TMLHE: variants seen among roughly 807,000 people sequenced by gnomAD.
TMLHE encodes the protein trimethyllysine dioxygenase, mitochondrial.
In TMLHE, 18 loss-of-function variants were observed where a neutral mutation model predicts 25.7. The ratio of observed to expected loss-of-function variants is 0.70; its 90% confidence interval spans 0.48 to 1.04. The LOEUF (loss-of-function observed/expected upper bound fraction) is 1.04. Ranked by LOEUF, TMLHE falls within the 50% of genes least tolerant of loss-of-function variation. The pLI is 0.00. For missense variants in TMLHE, 236 were observed against 259.0 expected (o/e 0.91, Z 0.61); for synonymous variants, 105 against 97.0 (o/e 1.08, Z -0.49).
At chrX:155,510,729 T>C (rs2067104614) in intron 5 of TMLHE, among the ~76,000 whole-genome samples, 2 of 109,130 alleles carry the variant, frequency 1.8e-5, no homozygotes, top group South Asian at 8.2e-4. Context: ...TGTGTCTTTA[T>C]AGCAGCATGA....
chrX:155,523,428 T>C (rs1299261992), intron 3 of TMLHE, among the ~76,000 whole-genome samples: 1 of 111,480 alleles, frequency 9.0e-6, no homozygotes. Context: ...CTGAAAAGAT[T>C]ATCCTTCCTC....
intron 1 of TMLHE, among the ~76,000 whole-genome samples, chrX:155,600,049 TC>T (rs1476647679): frequency 8.9e-6 from 1 of 112,016 alleles, no homozygotes; most frequent in Non-Finnish European, 1.9e-5. Context: ...AGAACCTACC[TC>T]CTTTTGTTAC....
chrX:155,508,156 T>C (rs1206917620), intron 5 of TMLHE, among the ~76,000 whole-genome samples: 1 of 111,356 alleles, frequency 9.0e-6, no homozygotes, highest in Non-Finnish European at 1.9e-5. Context: ...GCTAATCATA[T>C]ACAGTTTCTG....
intron 1 of TMLHE, among the ~76,000 whole-genome samples, chrX:155,549,003 T>C (rs782547966): frequency 9.0e-6 from 1 of 110,896 alleles, no homozygotes; most frequent in South Asian, 3.7e-4. Flanking sequence ...TCCTAAGTGA[T>C]TTCTTGTGCT....
At chrX:155,560,039 A>G (rs190247080) in intron 1 of TMLHE, among the ~76,000 whole-genome samples, 21 of 112,506 alleles carry the variant, frequency 1.9e-4, no homozygotes, top group Admixed American at 3.8e-4. Flanking sequence ...TAAAACATGT[A>G]TGACAATCAT....
At chrX:155,543,711 A>G (rs782430778) in intron 2 of TMLHE, among the ~76,000 whole-genome samples, 3 of 112,510 alleles carry the variant, frequency 2.7e-5, no homozygotes, top group Non-Finnish European at 5.6e-5. Context: ...CCTGTGTCAT[A>G]TGTAAGTCTG....
At chrX:155,536,670 A>G (rs1407540993) in intron 2 of TMLHE, among the ~76,000 whole-genome samples, 1 of 112,213 alleles carries the variant, frequency 8.9e-6, no homozygotes, top group Admixed American at 9.5e-5. Flanking sequence ...AAATATAGCT[A>G]AAAATTCATT....
At position 155,605,691 on chromosome X, in the gene TMLHE, T is replaced by G. The variant is rs148771877; in HGVS notation, c.-2+7101A>C. On this transcript the variant is annotated intron_variant, in intron 1 of 7. Coordinates refer to ENST00000334398, the MANE Select transcript of TMLHE (RefSeq NM_018196.4). ...ACTATAAAGCAACCACGTGATCAAG[T>G]GTACATAATAACTAGCTAACAACAT... Among the ~76,000 whole-genome samples the G allele has an allele frequency of 6.9e-3, 768 of 111,767 alleles. 6 individuals carry two copies. The highest frequency in any genetic ancestry group is 0.024 in the African/African-American group (729 of 30,750).
chrX:155,512,316 C>T (rs1044236203), intron 4 of TMLHE, among the ~76,000 whole-genome samples: 3 of 101,585 alleles, frequency 3.0e-5, no homozygotes, highest in Non-Finnish European at 5.9e-5. Flanking sequence ...ATCCCTCCCC[C>T]CTTCCCCCCA....
chrX:155,585,598 A>G (rs1431539352), intron 1 of TMLHE, among the ~76,000 whole-genome samples: 4 of 111,818 alleles, frequency 3.6e-5, no homozygotes, highest in Non-Finnish European at 7.5e-5. Flanking sequence ...AAAGATTCCA[A>G]CACAATAATA....
intron 1 of TMLHE, among the ~76,000 whole-genome samples, chrX:155,592,295 G>A (rs5940536): frequency 0.039 from 4,384 of 111,584 alleles, 90 homozygotes; most frequent in African/African-American, 0.068. Flanking sequence ...TGATAACAAT[G>A]TACTGTTATT....
At chrX:155,530,257 G>T (rs183722080) in intron 2 of TMLHE, among the ~76,000 whole-genome samples, 48 of 111,578 alleles carry the variant, frequency 4.3e-4, no homozygotes, top group African/African-American at 1.5e-3. Flanking sequence ...AGGAGATCTT[G>T]CCATTTGCCA....
At chrX:155,541,344 T>C (rs986046876) in intron 2 of TMLHE, among the ~76,000 whole-genome samples, 15 of 111,263 alleles carry the variant, frequency 1.3e-4, no homozygotes, top group Non-Finnish European at 2.6e-4. Context: ...TGGTCTCCAG[T>C]GTCATCCATG....
rs1367916095 is a variant in TMLHE at position 155,515,773 on chromosome X, A to T, written c.359-1508T>A. ...ACATCTATGTTTCTTTAATGCAGGG[A>T]CTACCAAACTATGGTTGATGAGTCA... On this transcript the variant is annotated intron_variant, in intron 3 of 7. Coordinates refer to ENST00000334398, the MANE Select transcript of TMLHE (RefSeq NM_018196.4). 6.3e-5 allele frequency among the ~76,000 whole-genome samples: 7 copies of T among 111,050 alleles called. No homozygotes were observed. The East Asian group carries it at 2.0e-3, about 31-fold the overall frequency.
intron 1 of TMLHE, among the ~76,000 whole-genome samples, chrX:155,558,695 CA>C (rs782248402): frequency 1.9e-4 from 21 of 111,693 alleles, no homozygotes; most frequent in Admixed American, 1.7e-3. Flanking sequence ...AGCAGATCAT[CA>C]AAAAATTCAT....
rs2067501854 is a variant in TMLHE at position 155,563,001 on chromosome X, G to A, written c.-1-17724C>T. On this transcript the variant is annotated intron_variant, in intron 1 of 7. Transcript: ENST00000334398. ...AAACCCTTCAACAAGTCTCTAGGAA[G>A]TTCCAAACTTTCCCACATCTTCTTG... Among the ~76,000 whole-genome samples, 2 of 62,335 alleles carry A rather than the reference G, an allele frequency of 3.2e-5. 1 individual carries two copies. Among genetic ancestry groups the A allele is most frequent in the Non-Finnish European group, 9.0e-5 (2 of 22,183 alleles). 54.1% of individuals were successfully genotyped at this position (62,335 alleles called of 115,157 possible). A position where few individuals can be genotyped will look rare whatever the true frequency, so the allele number is the denominator to read the frequency against.
intron 1 of TMLHE, among the ~76,000 whole-genome samples, chrX:155,584,952 T>C (rs2067654969): frequency 1.8e-5 from 2 of 110,664 alleles, no homozygotes; most frequent in South Asian, 7.6e-4. Flanking sequence ...TAAAACCCAC[T>C]AGTAAACCCT....
intron 1 of TMLHE, among the ~76,000 whole-genome samples, chrX:155,548,900 CAGTGAG>C (rs1297297126): frequency 1.8e-5 from 2 of 110,602 alleles, no homozygotes; most frequent in Admixed American, 1.9e-4. Flanking sequence ...AATCTAGTCA[CAGTGAG>C]ATATGATATA....
chrX:155,580,893 T>C (rs56119045), intron 1 of TMLHE, among the ~76,000 whole-genome samples: 57 of 111,393 alleles, frequency 5.1e-4, no homozygotes, highest in African/African-American at 1.8e-3. Context: ...TAGACCAATA[T>C]CCCTAATGAA....
Sources: allele counts gnomAD v4.1 joint callset (sites outside exome capture counted in the v4.1 genomes callset), GRCh38; gene constraint gnomAD v4.1.1; transcripts MANE v1.5; gene names NCBI Gene and HGNC (gene_info 2026-07-23, HGNC 2026-07-21).